Variants in ASTN1 observed in about 807,000 individuals in gnomAD.
ASTN1 encodes astrotactin 1.
In ASTN1, 41 loss-of-function variants were observed where a neutral mutation model predicts 140.7. The ratio of observed to expected loss-of-function variants is 0.29; its 90% CI spans 0.23 to 0.38. ASTN1 has a LOEUF of 0.38. Among genes scored for constraint, ASTN1 ranks in the 10% least tolerant of loss-of-function variants. The pLI is 1.00. For missense variants in ASTN1, 1,479 were observed against 1,678.8 expected (o/e 0.88, Z 2.08); for synonymous variants, 640 against 652.2 (o/e 0.98, Z 0.29).
chr1:176,955,324 C>T (rs1330887078), intron 11 of ASTN1, among the ~76,000 whole-genome samples: 1 of 152,168 alleles, frequency 6.6e-6, no homozygotes, highest in Non-Finnish European at 1.5e-5. Context: ...AGCACCGATG[C>T]TCACTGGAGA....
chr1:177,057,584 GC>G (rs747754176), intron 2 of ASTN1, among the ~76,000 whole-genome samples: 60 of 152,112 alleles, frequency 3.9e-4, no homozygotes, highest in Non-Finnish European at 1.9e-4. Flanking sequence ...TATTAGTTAA[GC>G]TTTTAATTAT....
intron 1 of ASTN1, among the ~76,000 whole-genome samples, chr1:177,156,898 C>A (rs1191244053): frequency 1.3e-5 from 2 of 152,194 alleles, no homozygotes; most frequent in African/African-American, 4.8e-5. Flanking sequence ...ACCTTAGCTC[C>A]AGTCTAATCA....
At position 176,884,410 on chromosome 1, in the gene ASTN1, A is replaced by G. The variant is rs776507266; in HGVS notation, c.3155T>C (p.Val1052Ala). The G allele has an allele frequency of 1.3e-5, 21 of 1,613,968 alleles. No homozygotes were observed. The highest frequency in any genetic ancestry group is 1.8e-5 in the Non-Finnish European group (21 of 1,180,036). Residue 1052 changes from valine to alanine, a missense_variant, in exon 19 of 23, where the codon GTG becomes GCG. Around this residue, in one of 3 missense-constraint regions of ASTN1, gnomAD observed 746 missense variants for 800.9 expected, o/e 0.93. Coordinates refer to ENST00000361833, the MANE Select transcript of ASTN1 (RefSeq NM_004319.3). ...ACGGAGGAGGTAATCTACAATCTGC[A>G]CCCCGATTGGTGGCTCTGAGTGTTC... ...EWEHSEPPIG[V>A]QIVDYLLRQE...
At chr1:176,901,647 G>A (rs975510512) in intron 16 of ASTN1, among the ~76,000 whole-genome samples, 4 of 152,186 alleles carry the variant, frequency 2.6e-5, no homozygotes, top group Non-Finnish European at 5.9e-5. Flanking sequence ...TCATGTGATG[G>A]AGCATGAAAC....
At chr1:176,896,190 G>A (rs1264713350) in intron 16 of ASTN1, among the ~76,000 whole-genome samples, 1 of 152,136 alleles carries the variant, frequency 6.6e-6, no homozygotes, top group East Asian at 1.9e-4. Flanking sequence ...TTTCCCAGAG[G>A]AAACAATGAG....
chr1:177,071,017 C>T (rs1008172281), intron 1 of ASTN1, among the ~76,000 whole-genome samples: 1 of 152,116 alleles, frequency 6.6e-6, no homozygotes, highest in Non-Finnish European at 1.5e-5. Context: ...CAAATTATAC[C>T]TTTAAATAGC....
intron 1 of ASTN1, among the ~76,000 whole-genome samples, chr1:177,136,321 G>C (rs1054673854): frequency 6.6e-6 from 1 of 150,828 alleles, no homozygotes; most frequent in African/African-American, 2.4e-5. Context: ...GTGAAATATC[G>C]TAACTGTGTT....
chr1:177,123,060 A>G (rs1681478479), intron 1 of ASTN1, among the ~76,000 whole-genome samples: 1 of 152,148 alleles, frequency 6.6e-6, no homozygotes, highest in Non-Finnish European at 1.5e-5. Flanking sequence ...GTTTATTTTA[A>G]TACCACACAT....
chr1:177,090,425 G>C (rs1416115201), intron 1 of ASTN1, among the ~76,000 whole-genome samples: 1 of 151,968 alleles, frequency 6.6e-6, no homozygotes, highest in Middle Eastern at 3.2e-3. Context: ...TATACTGTGA[G>C]CTTCCTAAAG....
chr1:176,981,019 C>T (rs1673587367), intron 8 of ASTN1, among the ~76,000 whole-genome samples: 1 of 151,644 alleles, frequency 6.6e-6, no homozygotes, highest in South Asian at 2.1e-4. Context: ...TGAGACCAGC[C>T]TGGCCAACAT....
intron 21 of ASTN1, among the ~76,000 whole-genome samples, chr1:176,873,175 G>T (rs1668420717): frequency 2.0e-5 from 3 of 152,198 alleles, no homozygotes; most frequent in African/African-American, 7.2e-5. Flanking sequence ...CAAATAAAGG[G>T]ATGGATAAAC....
chr1:176,863,025 G>C lies in ASTN1; in HGVS notation c.*1259C>G. On this transcript the variant is annotated 3_prime_UTR_variant, in exon 23 of 23. Coordinates refer to ENST00000361833, the MANE Select transcript of ASTN1 (RefSeq NM_004319.3). ...AACAGGGCCTTGCCAGGCTCTTTCT[G>C]AAAGGCTGGGCTTCCTGTTGGCTGG... 2.0e-6 allele frequency: 2 copies of C among 985,552 alleles called. No individual in the cohort carries two copies. 61.1% of individuals were successfully genotyped at this position (985,552 alleles called of 1,614,324 possible).
downstream of ASTN1, among the ~76,000 whole-genome samples, chr1:176,860,084 A>C (rs1354322499): frequency 1.3e-5 from 2 of 152,150 alleles, no homozygotes; most frequent in South Asian, 2.1e-4. Context: ...AGTGGCCTTG[A>C]ATTTCTTAGG....
chr1:176,932,927 A>G (rs1400847306), intron 16 of ASTN1, among the ~76,000 whole-genome samples: 1 of 152,228 alleles, frequency 6.6e-6, no homozygotes, highest in African/African-American at 2.4e-5. Flanking sequence ...AAAACATAAG[A>G]AAGCTTTGCC....
At chr1:176,899,974 G>C (rs575052368) in intron 16 of ASTN1, among the ~76,000 whole-genome samples, 90 of 152,270 alleles carry the variant, frequency 5.9e-4, no homozygotes, top group Admixed American at 7.2e-4. Flanking sequence ...CTTGGGGTCA[G>C]GAACTATGTC....
intron 7 of ASTN1, among the ~76,000 whole-genome samples, chr1:177,016,492 G>C (rs902595081): frequency 6.6e-6 from 1 of 152,134 alleles, no homozygotes; most frequent in Non-Finnish European, 1.5e-5. Context: ...GAAAAACACA[G>C]CTTTAAATTA....
intron 2 of ASTN1, among the ~76,000 whole-genome samples, chr1:177,038,796 G>T (rs540318891): frequency 6.6e-6 from 1 of 152,202 alleles, no homozygotes; most frequent in South Asian, 2.1e-4. Context: ...TTTAGTTAAA[G>T]AAATTAATCT....
chr1:176,977,696 A>G (rs890356594), intron 8 of ASTN1, among the ~76,000 whole-genome samples: 2 of 152,206 alleles, frequency 1.3e-5, no homozygotes, highest in African/African-American at 2.4e-5. Context: ...CAGCTGTTAT[A>G]TTAGTCTTAT....
At chr1:176,885,801 C>T (rs1669010452) in intron 18 of ASTN1, among the ~76,000 whole-genome samples, 1 of 152,040 alleles carries the variant, frequency 6.6e-6, no homozygotes, top group Non-Finnish European at 1.5e-5. Flanking sequence ...GCAATAGAAG[C>T]ATATAATTAT....
Sources: gnomAD v4.1 joint callset for allele counts (sites outside exome capture counted in the v4.1 genomes callset) on GRCh38, gnomAD v4.1.1 for gene constraint, gnomAD v4.1.1 regional missense constraint, MANE v1.5 for transcripts, NCBI Gene and HGNC (gene_info 2026-07-23, HGNC 2026-07-21) for gene names.